FGF13: variants seen among roughly 807,000 people sequenced by gnomAD.
FGF13 encodes the protein fibroblast growth factor homologous factor 2.
Under a neutral mutation model 19.5 loss-of-function variants are expected in FGF13, and 2 were observed. The observed-to-expected ratio is 0.10, with a 90% CI of 0.04 to 0.32. The LOEUF (loss-of-function observed/expected upper bound fraction) is 0.32, where lower values mean the gene tolerates loss of function less well. Ranked by LOEUF, FGF13 falls within the 10% of genes least tolerant of loss-of-function variation. FGF13 has a pLI of 1.00. For missense variants in FGF13, 113 were observed against 192.7 expected (o/e 0.59, Z 2.45); for synonymous variants, 72 against 76.9 (o/e 0.94, Z 0.33).
chrX:138,762,034 T>C (rs139572150), intron 3 of FGF13, among the ~76,000 whole-genome samples: 19 of 109,776 alleles, frequency 1.7e-4, no homozygotes, highest in Non-Finnish European at 3.4e-4. Flanking sequence ...CCACTTTCTA[T>C]ATGTGACCAT....
chrX:138,970,873 G>A (rs1352622793), intron 1 of FGF13, among the ~76,000 whole-genome samples: 3 of 111,364 alleles, frequency 2.7e-5, no homozygotes, highest in Non-Finnish European at 5.6e-5. Flanking sequence ...GTTACACTTC[G>A]ATGCTTAATT....
rs139084376 is a variant in FGF13 at position 139,064,281 on chromosome X, C to CT, written c.-113+139134dup. 2.6e-4 allele frequency among the ~76,000 whole-genome samples: 6 copies of CT among 23,155 alleles called. 1 individual carries two copies. The highest frequency in any genetic ancestry group is 2.7e-4 in the Non-Finnish European group (4 of 15,022). The allele number at this position is 23,155 out of a possible 115,157, so 20.1% of individuals were successfully genotyped here. ...GCATAGAGCAGAGTTCTTTTTTTTT[C>CT]TTTTTTTTTTTTTTTTTTTTTTTTT... On this transcript the variant is annotated intron_variant, in intron 1 of 2. Coordinates refer to the FGF13 transcript ENST00000421460.
At chrX:138,875,651 G>A (rs1156474768) in intron 1 of FGF13, among the ~76,000 whole-genome samples, 1 of 111,245 alleles carries the variant, frequency 9.0e-6, no homozygotes. Context: ...ATGTGGGTGG[G>A]CCTCACCCAA....
chrX:139,186,106 T>C (rs776695960), intron 1 of FGF13, among the ~76,000 whole-genome samples: 27 of 112,107 alleles, frequency 2.4e-4, no homozygotes, highest in Non-Finnish European at 4.3e-4. Flanking sequence ...TTGGGCAATA[T>C]TTATAAATGG....
chrX:139,135,152 T>C (rs1199355882), intron 1 of FGF13, among the ~76,000 whole-genome samples: 1 of 112,527 alleles, frequency 8.9e-6, no homozygotes, highest in Non-Finnish European at 1.9e-5. Context: ...TAGAGAGCAG[T>C]GCACAGTGAG....
chrX:138,729,060 A>C (rs1001191406), intron 1 of FGF13, among the ~76,000 whole-genome samples: 2 of 111,855 alleles, frequency 1.8e-5, no homozygotes, highest in Non-Finnish European at 3.8e-5. Context: ...GGACATTGAC[A>C]TAATTTACTT....
intron 3 of FGF13, among the ~76,000 whole-genome samples, chrX:138,773,652 C>G (rs1602824716): frequency 1.8e-5 from 2 of 112,147 alleles, no homozygotes; most frequent in Non-Finnish European, 3.8e-5. Flanking sequence ...GTTAATTTTA[C>G]AGTTTTACTT....
intron 3 of FGF13, among the ~76,000 whole-genome samples, chrX:138,847,636 T>A (rs769193737): frequency 9.0e-6 from 1 of 111,684 alleles, no homozygotes; most frequent in South Asian, 3.8e-4. Flanking sequence ...TTATTGAAGG[T>A]GCTATTCTTA....
intron 3 of FGF13, among the ~76,000 whole-genome samples, chrX:138,658,777 C>G (rs1303339511): frequency 5.4e-5 from 6 of 111,745 alleles, no homozygotes; most frequent in African/African-American, 2.0e-4. Context: ...TGATACTGAC[C>G]TTTCTCATTT....
chrX:138,981,108 T>C (rs974437560), intron 1 of FGF13, among the ~76,000 whole-genome samples: 5 of 111,222 alleles, frequency 4.5e-5, no homozygotes. Context: ...TGGAATGCTA[T>C]GAGAACACAG....
At chrX:138,647,998 T>G (rs2089325691) in intron 3 of FGF13, among the ~76,000 whole-genome samples, 1 of 112,249 alleles carries the variant, frequency 8.9e-6, no homozygotes, top group Admixed American at 9.4e-5. Context: ...AAATAACAAA[T>G]AATTCTACAG....
intron 1 of FGF13, among the ~76,000 whole-genome samples, chrX:138,997,765 T>C (rs189048635): frequency 8.9e-6 from 1 of 112,413 alleles, no homozygotes; most frequent in African/African-American, 3.2e-5. Flanking sequence ...CTCTTCAGGA[T>C]ATTATCCAAG....
chrX:139,085,434 A>G (rs1367321891), intron 1 of FGF13, among the ~76,000 whole-genome samples: 1 of 112,173 alleles, frequency 8.9e-6, no homozygotes, highest in Non-Finnish European at 1.9e-5. Context: ...TGCCTGGCAC[A>G]TATGTGTCCA....
intron 1 of FGF13, among the ~76,000 whole-genome samples, chrX:138,880,010 A>G (rs1345430373): frequency 2.7e-5 from 3 of 112,350 alleles, no homozygotes; most frequent in African/African-American, 6.5e-5. Flanking sequence ...CCCATCAAAA[A>G]GTGGTGGAAG....
At chrX:139,184,989 C>T (rs1216862769) in intron 1 of FGF13, among the ~76,000 whole-genome samples, 3 of 111,423 alleles carry the variant, frequency 2.7e-5, no homozygotes, top group African/African-American at 6.5e-5. Context: ...CACATGTAAA[C>T]GATTTAGTTC....
At chrX:139,204,501 TC>T (rs991124376), upstream of FGF13, among the ~76,000 whole-genome samples, 3 of 112,247 alleles carry the variant, frequency 2.7e-5, no homozygotes, top group Non-Finnish European at 3.8e-5. Flanking sequence ...CGGCCGGGAC[TC>T]CCCGGCTTCA....
intron 3 of FGF13, among the ~76,000 whole-genome samples, chrX:138,750,332 A>G (rs180911094): frequency 2.0e-3 from 226 of 112,319 alleles, no homozygotes; most frequent in African/African-American, 6.9e-3. Context: ...CAGCTATATT[A>G]CAATGCTAAA....
chrX:138,731,836 A>T (rs777662562), intron 1 of FGF13, among the ~76,000 whole-genome samples: 15 of 111,075 alleles, frequency 1.4e-4, no homozygotes, highest in South Asian at 7.6e-4. Context: ...ATAGAAGTGG[A>T]GATATCACTA....
intron 3 of FGF13, among the ~76,000 whole-genome samples, chrX:138,658,774 G>T (rs2089460520): frequency 9.0e-6 from 1 of 111,555 alleles, no homozygotes; most frequent in Non-Finnish European, 1.9e-5. Context: ...GAATGATACT[G>T]ACCTTTCTCA....
Sources: gnomAD v4.1 joint callset for allele counts (sites outside exome capture counted in the v4.1 genomes callset) on GRCh38, gnomAD v4.1.1 for gene constraint, MANE v1.5 for transcripts, NCBI Gene and HGNC (gene_info 2026-07-23, HGNC 2026-07-21) for gene names.